Variants in KIF3A observed in about 807,000 individuals in gnomAD.
The protein encoded by KIF3A is kinesin family member 3A.
A neutral mutation model predicts 92.6 loss-of-function variants in KIF3A; 27 were observed. That is an observed-to-expected ratio of 0.29 (90% CI 0.21 to 0.40). The LOEUF is 0.40. Among genes scored for constraint, KIF3A ranks in the 10% least tolerant of loss-of-function variants. KIF3A has a pLI of 1.00. For synonymous variants in KIF3A, 250 were observed against 275.4 expected (o/e 0.91, Z 0.92); for missense variants, 581 against 872.6 (o/e 0.67, Z 4.21).
chr5:132,701,832 G>A (rs1000955175), intron 15 of KIF3A, among the ~76,000 whole-genome samples: 2 of 152,056 alleles, frequency 1.3e-5, no homozygotes, highest in African/African-American at 2.4e-5. Flanking sequence ...GATAATGGGC[G>A]CTGAATGAAG....
chr5:132,696,358 T>C lies in KIF3A; in HGVS notation c.*276A>G, dbSNP rs1054795129. On this transcript the variant is annotated 3_prime_UTR_variant, in exon 19 of 19. Coordinates refer to ENST00000403231, the MANE Select transcript of KIF3A (RefSeq NM_001300791.2). ...TTTACACATACATCTAAACTGTAAC[T>C]CTCTATAGTATGAACTGTTCCCCCA... 13 of 270,376 alleles carry C rather than the reference T, an allele frequency of 4.8e-5. No individual in the cohort carries two copies. The highest frequency in any genetic ancestry group is 9.0e-5 in the Non-Finnish European group (13 of 144,428). The allele number at this position is 270,376 out of a possible 1,614,324, so 16.7% of individuals were successfully genotyped here.
At chr5:132,720,343 ACTATTATAG>A (rs1399843910) in intron 5 of KIF3A, among the ~76,000 whole-genome samples, 1 of 152,198 alleles carries the variant, frequency 6.6e-6, no homozygotes, top group Non-Finnish European at 1.5e-5. Flanking sequence ...TACCAATTTT[ACTATTATAG>A]CTACCAAGAG....
At chr5:132,729,400 C>T (rs528311569) in intron 2 of KIF3A, among the ~76,000 whole-genome samples, 1 of 151,846 alleles carries the variant, frequency 6.6e-6, no homozygotes, top group African/African-American at 2.4e-5. Flanking sequence ...TGCAATGAGC[C>T]GTTATAGTGC....
intron 15 of KIF3A, among the ~76,000 whole-genome samples, chr5:132,701,269 G>A (rs1445507973): frequency 1.3e-5 from 2 of 151,972 alleles, no homozygotes; most frequent in African/African-American, 4.8e-5. Flanking sequence ...AGGCCAAAAC[G>A]GGCAGATCAA....
intron 4 of KIF3A, chr5:132,723,276 C>T (rs558655153): frequency 4.6e-5 from 7 of 152,238 alleles, no homozygotes; most frequent in African/African-American, 1.2e-4. Context: ...CAATGACTTT[C>T]GTCACAGAAT....
chr5:132,727,134 T>C (rs527720737), intron 2 of KIF3A, among the ~76,000 whole-genome samples: 1 of 152,200 alleles, frequency 6.6e-6, no homozygotes, highest in African/African-American at 2.4e-5. Flanking sequence ...GAAACAGAGT[T>C]AACAAAAAGA....
Position 132,703,470 on chromosome 5 carries a change from TAAG to T in KIF3A, c.1456_1458del (p.Leu486del), listed in dbSNP as rs773735150. ...CAATTCAATAATACTCACTGGGCTTTAAGAAGATCTTTTTCCCGTTTCTCTAAT... is the reference window on the plus strand; with the variant it reads ...CAATTCAATAATACTCACTGGGCTTTAAGATCTTTTTCCCGTTTCTCTAAT... On this transcript the variant is annotated inframe_deletion, in exon 12 of 19. Transcript: ENST00000403231. 3 of 1,608,410 alleles carry T rather than the reference TAAG, an allele frequency of 1.9e-6. No homozygotes were observed. The highest frequency in any genetic ancestry group is 1.7e-6 in the Non-Finnish European group (2 of 1,176,986).
chr5:132,694,225 A>T lies in KIF3A; in HGVS notation c.*2409T>A, dbSNP rs1752761012. 1 of 152,204 alleles carries T rather than the reference A, an allele frequency of 6.6e-6. No homozygotes were observed. The highest frequency in any genetic ancestry group is 2.4e-5 in the African/African-American group (1 of 41,414). The allele number at this position is 152,204 out of a possible 1,614,324, so 9.4% of individuals were successfully genotyped here. The stretch of plus-strand genomic sequence containing the variant: ...TCAAGACAGGCCCGGGCAACATGGC[A>T]AAACCCCATCTCTACAAAAAAATAC... On this transcript the variant is annotated 3_prime_UTR_variant, in exon 19 of 19. Coordinates refer to ENST00000403231, the MANE Select transcript of KIF3A (RefSeq NM_001300791.2).
Position 132,702,540 on chromosome 5 carries a change from A to C in KIF3A, c.1758+18T>G. On this transcript the variant is annotated intron_variant, in intron 14 of 18. Coordinates refer to ENST00000403231, the MANE Select transcript of KIF3A (RefSeq NM_001300791.2). Reference sequence around the variant, plus strand: ...AAATCCAGAACTGCATTAGTAGGTAATTTCTAAGAGAACCAACCTCTGACT... The same window carrying C: ...AAATCCAGAACTGCATTAGTAGGTACTTTCTAAGAGAACCAACCTCTGACT... 1 of 1,478,996 alleles carries C rather than the reference A, an allele frequency of 6.8e-7. No homozygotes were observed. The highest frequency in any genetic ancestry group is 9.3e-7 in the Non-Finnish European group (1 of 1,076,822). 91.6% of individuals were successfully genotyped at this position (1,478,996 alleles called of 1,614,324 possible).
At chr5:132,705,174 T>C (rs1335019827) in intron 11 of KIF3A, among the ~76,000 whole-genome samples, 1 of 151,962 alleles carries the variant, frequency 6.6e-6, no homozygotes, top group African/African-American at 2.4e-5. Flanking sequence ...TTTAAAATAA[T>C]TTAACTACTA....
intron 2 of KIF3A, among the ~76,000 whole-genome samples, chr5:132,728,488 A>G (rs1425854160): frequency 6.6e-6 from 1 of 152,108 alleles, no homozygotes; most frequent in African/African-American, 2.4e-5. Context: ...GTAATCCCAG[A>G]ACTTTGGGGA....
chr5:132,715,672 A>T, intron 8 of KIF3A, 85 bp downstream of exon 8: 1 of 1,003,156 alleles, frequency 1.0e-6, no homozygotes, highest in Non-Finnish European at 1.5e-6. Context: ...AAAAAGGTTT[A>T]ATAGAGGGCT....
intron 4 of KIF3A, chr5:132,723,225 C>A (rs1426740768): frequency 6.6e-6 from 1 of 152,126 alleles, no homozygotes; most frequent in East Asian, 1.9e-4. Context: ...CCATACTGCC[C>A]AAGGTAATTT....
intron 5 of KIF3A, among the ~76,000 whole-genome samples, chr5:132,718,927 C>G (rs1027825237): frequency 2.0e-5 from 3 of 152,314 alleles, no homozygotes; most frequent in African/African-American, 7.2e-5. Context: ...CCACACCCAG[C>G]CTAACTCATT....
chr5:132,720,575 C>G (rs1311267333), intron 5 of KIF3A, 34 bp downstream of exon 5: 2 of 1,396,096 alleles, frequency 1.4e-6, no homozygotes, highest in East Asian at 2.3e-5. Context: ...ACTCAACACA[C>G]AGATGCTTAA....
At chr5:132,702,739 G>T in intron 13 of KIF3A, 71 bp from the exon 14 acceptor site, 1 of 1,328,232 alleles carries the variant, frequency 7.5e-7, no homozygotes, top group South Asian at 1.3e-5. Context: ...TTTAACAAAT[G>T]ACATAAATGT....
chr5:132,713,923 G>A (rs1753523449), intron 8 of KIF3A, among the ~76,000 whole-genome samples: 2 of 125,924 alleles, frequency 1.6e-5, no homozygotes, highest in Non-Finnish European at 3.2e-5. Flanking sequence ...TGAGATGGGA[G>A]TCTCACTCTG....
At chr5:132,727,905 CT>C (rs966073706) in intron 2 of KIF3A, among the ~76,000 whole-genome samples, 3 of 151,964 alleles carry the variant, frequency 2.0e-5, no homozygotes, top group African/African-American at 4.8e-5. Context: ...TTTTCTCAGA[CT>C]TTTTTTTGTG....
rs779150765 is a variant in KIF3A, at chr5:132,708,909, G to C, written c.1298C>G (p.Pro433Arg). The C allele has an allele frequency of 6.5e-7, 1 of 1,547,740 alleles. No individual in the cohort carries two copies. The highest frequency in any genetic ancestry group is 2.4e-5 in the East Asian group (1 of 40,888). ...AGAATGTAAGAGCTACCACTCACTA[G>C]GCAAGAACTTATCCAGAGGTTTCTC... is the stretch of plus-strand genomic sequence containing the variant. ...VIEKPLDKFL[P>R]NQAGKKKVSP... Residue 433 changes from proline (P) to arginine (R), a missense_variant and splice_region_variant, in exon 10 of 19, where the codon CCT becomes CGT. Physicochemically the swap from Pro to Arg is moderately radical, Grantham distance 103. Transcript: ENST00000403231.
Sources: gnomAD v4.1 joint callset for allele counts (sites outside exome capture counted in the v4.1 genomes callset) on GRCh38, gnomAD v4.1.1 for gene constraint, MANE v1.5 for transcripts, NCBI Gene and HGNC (gene_info 2026-07-23, HGNC 2026-07-21) for gene names.